The following CABCOCO1 variants were observed in gnomAD, a reference collection of about 807,000 sequenced individuals.
CABCOCO1 encodes the protein ciliary-associated calcium-binding coiled-coil protein 1.
Under a neutral mutation model 35.7 loss-of-function variants are expected in CABCOCO1, and 28 were observed. That is an observed-to-expected ratio of 0.78 (90% CI 0.58 to 1.07). The LOEUF is 1.07. CABCOCO1 is among the 50% of genes least tolerant of loss of function. The pLI is 0.00. For missense variants in CABCOCO1, 326 were observed against 309.2 expected (o/e 1.05, Z -0.41); for synonymous variants, 95 against 100.1 (o/e 0.95, Z 0.30).
At chr10:61,701,893 T>A (rs1435879347) in intron 5 of CABCOCO1, 1 of 824,186 alleles carries the variant, frequency 1.2e-6, no homozygotes, top group Non-Finnish European at 1.5e-6. Flanking sequence ...GAGATTTGTC[T>A]TGTCTGCATA....
intron 5 of CABCOCO1, among the ~76,000 whole-genome samples, chr10:61,738,464 T>C (rs1012865644): frequency 6.6e-5 from 10 of 152,332 alleles, no homozygotes; most frequent in African/African-American, 2.2e-4. Context: ...CATCTAAATA[T>C]ACCAATATCA....
intron 7 of CABCOCO1, among the ~76,000 whole-genome samples, chr10:61,762,190 C>T (rs1044578640): frequency 8.5e-5 from 13 of 152,102 alleles, no homozygotes; most frequent in South Asian, 4.1e-4. Context: ...AAATTATTGC[C>T]GAGGAACTAC....
chr10:61,711,407 T>TA (rs1250857523), intron 5 of CABCOCO1, among the ~76,000 whole-genome samples: 2 of 151,670 alleles, frequency 1.3e-5, no homozygotes, highest in African/African-American at 2.4e-5. Context: ...GATTTCCTAA[T>TA]AAAAAAAGGC....
intron 5 of CABCOCO1, among the ~76,000 whole-genome samples, chr10:61,737,502 C>T (rs551770744): frequency 1.2e-4 from 18 of 152,256 alleles, no homozygotes; most frequent in African/African-American, 3.1e-4. Flanking sequence ...GACACATTCA[C>T]GCGAATTTTT....
intron 5 of CABCOCO1, among the ~76,000 whole-genome samples, chr10:61,744,743 T>C (rs1378009133): frequency 1.3e-5 from 2 of 152,152 alleles, no homozygotes; most frequent in Non-Finnish European, 2.9e-5. Flanking sequence ...CTGGTACTTA[T>C]TGCCCTACTG....
intron 5 of CABCOCO1, among the ~76,000 whole-genome samples, chr10:61,737,329 G>A (rs1841440213): frequency 6.6e-6 from 1 of 152,074 alleles, no homozygotes; most frequent in Admixed American, 6.6e-5. Flanking sequence ...CAGAGAAAAG[G>A]GAACCCCTCT....
intron 1 of CABCOCO1, among the ~76,000 whole-genome samples, chr10:61,671,939 T>A (rs1433075074): frequency 2.0e-5 from 3 of 152,254 alleles, no homozygotes; most frequent in Admixed American, 6.5e-5. Flanking sequence ...CAGTACATAT[T>A]TGTTGAATCA....
chr10:61,672,075 C>G (rs920550622), intron 1 of CABCOCO1, among the ~76,000 whole-genome samples: 1 of 152,202 alleles, frequency 6.6e-6, no homozygotes, highest in Non-Finnish European at 1.5e-5. Flanking sequence ...TCCTAATTAT[C>G]CTATCTTCAT....
intron 5 of CABCOCO1, among the ~76,000 whole-genome samples, chr10:61,735,892 C>T (rs1196007881): frequency 2.6e-5 from 4 of 152,144 alleles, no homozygotes; most frequent in African/African-American, 9.6e-5. Context: ...AAACAAACTA[C>T]GCTTCTCTAA....
At chr10:61,709,527 C>T (rs1422099123) in intron 5 of CABCOCO1, among the ~76,000 whole-genome samples, 1 of 151,816 alleles carries the variant, frequency 6.6e-6, no homozygotes, top group Non-Finnish European at 1.5e-5. Context: ...GTGCCTAGTG[C>T]CTTCACACAA....
intron 5 of CABCOCO1, 127 bp from the exon 6 acceptor site, chr10:61,759,932 A>G: frequency 1.6e-6 from 2 of 1,245,534 alleles, no homozygotes; most frequent in Non-Finnish European, 2.2e-6. Flanking sequence ...TGGCATCAAA[A>G]ATTCAAAGGA....
chr10:61,686,920 G>A (rs987443888), intron 4 of CABCOCO1, among the ~76,000 whole-genome samples: 2 of 152,112 alleles, frequency 1.3e-5, no homozygotes, highest in Admixed American at 6.6e-5. Flanking sequence ...AACAAGAGTA[G>A]GTTAAAATCT....
chr10:61,741,639 C>A (rs1371202078), intron 5 of CABCOCO1, among the ~76,000 whole-genome samples: 6 of 151,968 alleles, frequency 3.9e-5, no homozygotes, highest in Non-Finnish European at 7.4e-5. Flanking sequence ...ATCCGTTAAC[C>A]AAGCTAGAAA....
rs72066420 is a variant in CABCOCO1, at chr10:61,665,886, C to CA, written c.60+2870dup. Among the ~76,000 whole-genome samples, 2,024 of 98,274 alleles carry CA rather than the reference C, an allele frequency of 0.021. 150 individuals are homozygous for CA. In the East Asian group the frequency reaches 0.31, roughly 15 times the overall value. 64.5% of individuals were successfully genotyped at this position (98,274 alleles called of 152,430 possible). ...TGGGCGACAGAGCGAGACTCCGTCTCAAAAAAAAAAAAAAAATATCTAGGG... is the reference window on the plus strand; with the variant it reads ...TGGGCGACAGAGCGAGACTCCGTCTCAAAAAAAAAAAAAAAAATATCTAGGG... On this transcript the variant is annotated intron_variant, in intron 1 of 7. Transcript: ENST00000648843.
At chr10:61,706,282 C>T (rs1840590556) in intron 5 of CABCOCO1, among the ~76,000 whole-genome samples, 1 of 152,122 alleles carries the variant, frequency 6.6e-6, no homozygotes, top group Admixed American at 6.6e-5. Context: ...TATTAAATTA[C>T]AGCCGAAATT....
chr10:61,669,012 G>T (rs1839274131), intron 1 of CABCOCO1, among the ~76,000 whole-genome samples: 1 of 38,026 alleles, frequency 2.6e-5, no homozygotes. Flanking sequence ...TTTATTTTAA[G>T]GGTTGGGGAA....
At chr10:61,747,522 T>C (rs115537159) in intron 5 of CABCOCO1, among the ~76,000 whole-genome samples, 7 of 152,318 alleles carry the variant, frequency 4.6e-5, no homozygotes, top group African/African-American at 1.4e-4. Flanking sequence ...TAAGGCTTAA[T>C]TGTAGATTGT....
intron 2 of CABCOCO1, among the ~76,000 whole-genome samples, chr10:61,674,048 T>A (rs1356084282): frequency 6.6e-6 from 1 of 152,134 alleles, no homozygotes; most frequent in African/African-American, 2.4e-5. Context: ...TTTATACAGT[T>A]CTTAATTTAT....
chr10:61,680,251 G>A (rs1839668429), intron 2 of CABCOCO1, among the ~76,000 whole-genome samples: 1 of 149,132 alleles, frequency 6.7e-6, no homozygotes, highest in South Asian at 2.1e-4. Context: ...GGCAGCGGTT[G>A]CAGTGAGCCA....
Sources: allele counts gnomAD v4.1 joint callset (sites outside exome capture counted in the v4.1 genomes callset), GRCh38; gene constraint gnomAD v4.1.1; transcripts MANE v1.5; gene names NCBI Gene and HGNC (gene_info 2026-07-23, HGNC 2026-07-21).